The following CADM2 variants were observed in gnomAD, a reference collection of about 807,000 sequenced individuals.
CADM2 encodes the protein immunoglobulin superfamily member 4D.
CADM2 carries 12 observed loss-of-function variants against 49.8 expected under a neutral mutation model. That is an observed-to-expected ratio of 0.24 (90% CI 0.15 to 0.39). The LOEUF (loss-of-function observed/expected upper bound fraction) is 0.39, where lower values mean the gene tolerates loss of function less well. Among genes scored for constraint, CADM2 ranks in the 10% least tolerant of loss-of-function variants. CADM2 has a pLI of 1.00. For missense variants in CADM2, 378 were observed against 492.3 expected (o/e 0.77, Z 2.20); for synonymous variants, 214 against 175.4 (o/e 1.22, Z -1.74).
intron 1 of CADM2, among the ~76,000 whole-genome samples, chr3:85,307,904 T>A (rs1173351210): frequency 6.7e-6 from 1 of 148,856 alleles, no homozygotes; most frequent in African/African-American, 2.5e-5. Context: ...TTAAAATAGG[T>A]ACACATTTTT....
chr3:85,152,754 G>A (rs1451381957), intron 1 of CADM2, among the ~76,000 whole-genome samples: 1 of 151,938 alleles, frequency 6.6e-6, no homozygotes, highest in African/African-American at 2.4e-5. Flanking sequence ...TCAGGAGATC[G>A]AGACCATCCT....
chr3:85,677,312 G>A (rs1389661180), intron 1 of CADM2, among the ~76,000 whole-genome samples: 2 of 152,092 alleles, frequency 1.3e-5, no homozygotes, highest in African/African-American at 4.8e-5. Flanking sequence ...CCAAGTTTAT[G>A]TTATTTATAG....
intron 1 of CADM2, among the ~76,000 whole-genome samples, chr3:85,453,010 C>G (rs1240877632): frequency 6.6e-6 from 1 of 152,070 alleles, no homozygotes; most frequent in Admixed American, 6.6e-5. Flanking sequence ...GAAACTAAAC[C>G]TGGGTAAAAA....
intron 1 of CADM2, among the ~76,000 whole-genome samples, chr3:85,635,353 T>C (rs1436837708): frequency 6.6e-6 from 1 of 152,136 alleles, no homozygotes; most frequent in African/African-American, 2.4e-5. Flanking sequence ...ATGGTAAAAT[T>C]ATTTCTAAGT....
At chr3:85,138,640 T>C (rs990812598) in intron 1 of CADM2, among the ~76,000 whole-genome samples, 5 of 152,186 alleles carry the variant, frequency 3.3e-5, no homozygotes, top group Non-Finnish European at 1.5e-5. Flanking sequence ...AATTGGGGTG[T>C]CATTAGTTGG....
chr3:85,543,042 A>T (rs1442309691), intron 1 of CADM2, among the ~76,000 whole-genome samples: 1 of 152,118 alleles, frequency 6.6e-6, no homozygotes, highest in East Asian at 1.9e-4. Context: ...ATGGTAGAAA[A>T]TCTAGAGAAA....
At chr3:85,895,432 T>C (rs1011349598) in intron 5 of CADM2, among the ~76,000 whole-genome samples, 10 of 152,210 alleles carry the variant, frequency 6.6e-5, no homozygotes, top group Admixed American at 5.9e-4. Context: ...CCCCATTGTA[T>C]CTAAGAAGTA....
chr3:85,052,453 T>C lies in CADM2; in HGVS notation c.61+92785T>C, dbSNP rs558553425. Reference sequence around the variant, plus strand: ...GTTTGCTTGACAAAATTAAATTGAGTGATTCTCAAACTCTATCTGGGGTCT... The same window carrying C: ...GTTTGCTTGACAAAATTAAATTGAGCGATTCTCAAACTCTATCTGGGGTCT... On this transcript the variant is annotated intron_variant, in intron 1 of 9. Transcript: ENST00000383699. Among the ~76,000 whole-genome samples, 13 of 152,216 alleles carry C rather than the reference T, an allele frequency of 8.5e-5. No individual in the cohort carries two copies. The South Asian group carries it at 2.7e-3, about 32-fold the overall frequency.
At chr3:85,980,128 A>G (rs1006481685) in intron 8 of CADM2, among the ~76,000 whole-genome samples, 3 of 151,486 alleles carry the variant, frequency 2.0e-5, no homozygotes, top group South Asian at 2.1e-4. Flanking sequence ...AATTTGTCGT[A>G]TTTAAGTCTG....
intron 1 of CADM2, among the ~76,000 whole-genome samples, chr3:85,275,358 T>G (rs1455647518): frequency 1.3e-5 from 2 of 151,486 alleles, no homozygotes; most frequent in Non-Finnish European, 3.0e-5. Context: ...AGTTTAGTAC[T>G]AAATGTTTAT....
At chr3:86,024,888 T>C (rs1452232239) in intron 8 of CADM2, among the ~76,000 whole-genome samples, 1 of 151,394 alleles carries the variant, frequency 6.6e-6, no homozygotes, top group Admixed American at 6.6e-5. Context: ...ATAATATATA[T>C]TTTTTCTTTC....
intron 1 of CADM2, among the ~76,000 whole-genome samples, chr3:85,264,045 A>T (rs555601097): frequency 6.6e-6 from 1 of 151,952 alleles, no homozygotes; most frequent in Admixed American, 6.6e-5. Flanking sequence ...GAGTTAGAAA[A>T]TTTTTCAGGT....
At chr3:85,522,224 C>A (rs2061040285) in intron 1 of CADM2, among the ~76,000 whole-genome samples, 1 of 152,048 alleles carries the variant, frequency 6.6e-6, no homozygotes, top group South Asian at 2.1e-4. Flanking sequence ...TTAGTTTGTT[C>A]ATTCACCTTG....
chr3:85,235,921 G>T (rs2042397595), intron 1 of CADM2, among the ~76,000 whole-genome samples: 1 of 152,050 alleles, frequency 6.6e-6, no homozygotes, highest in African/African-American at 2.4e-5. Flanking sequence ...TGTATATTTT[G>T]TTGAAGCATC....
At chr3:85,799,929 T>G (rs1441099585) in intron 2 of CADM2, 1 of 152,376 alleles carries the variant, frequency 6.6e-6, no homozygotes, top group Non-Finnish European at 1.5e-5. Flanking sequence ...GAAGATCAGC[T>G]GCTATCTTCA....
At chr3:85,222,902 A>G (rs1173051910) in intron 1 of CADM2, among the ~76,000 whole-genome samples, 5 of 152,070 alleles carry the variant, frequency 3.3e-5, no homozygotes, top group Admixed American at 2.0e-4. Context: ...CCCATCTTTT[A>G]TTAGAATCAT....
chr3:85,276,865 G>A (rs997331411), intron 1 of CADM2, among the ~76,000 whole-genome samples: 8 of 151,256 alleles, frequency 5.3e-5, no homozygotes, highest in African/African-American at 1.9e-4. Context: ...GGGAATAATG[G>A]GGCAGTATAC....
At chr3:85,969,975 A>T (rs928840725) in intron 8 of CADM2, among the ~76,000 whole-genome samples, 1 of 63,204 alleles carries the variant, frequency 1.6e-5, no homozygotes. Context: ...GTGTGAGTGT[A>T]TATATATATA....
rs895887876 is a variant in CADM2, at chr3:85,626,416, C to T, written c.62-100106C>T. On this transcript the variant is annotated intron_variant, in intron 1 of 9. Transcript: ENST00000383699. ...TCTCAGTGGAATAAATCAAATGTCT[C>T]ACCCATGAAGGGTAATTATCTTTCT... Among the ~76,000 whole-genome samples the T allele has an allele frequency of 1.4e-4, 21 of 152,002 alleles. No homozygotes were observed. The East Asian group carries it at 4.1e-3, about 29-fold the overall frequency.
Sources: gnomAD v4.1 joint callset for allele counts (sites outside exome capture counted in the v4.1 genomes callset) on GRCh38, gnomAD v4.1.1 for gene constraint, MANE v1.5 for transcripts, NCBI Gene and HGNC (gene_info 2026-07-23, HGNC 2026-07-21) for gene names.